PTPRD: variants seen among roughly 807,000 people sequenced by gnomAD.
PTPRD encodes the protein receptor-type tyrosine-protein phosphatase delta.
PTPRD carries 34 observed loss-of-function variants against 214.5 expected under a neutral mutation model. The ratio of observed to expected loss-of-function variants is 0.16; its 90% CI spans 0.12 to 0.21. The LOEUF is 0.21. Among genes scored for constraint, PTPRD ranks in the 10% least tolerant of loss-of-function variants. The probability of loss-of-function intolerance (pLI) is 1.00; values close to 1 mark genes in which losing one functional copy is unlikely to be tolerated. For missense variants in PTPRD, 2,545 were observed against 2,398.7 expected, an observed-to-expected ratio of 1.06 and a Z score of -1.27; for synonymous variants, 1,128 against 845.7, an observed-to-expected ratio of 1.33 and a Z score of -5.79.
intron 2 of PTPRD, among the ~76,000 whole-genome samples, chr9:10,560,040 C>A (rs1021568006): frequency 1.1e-4 from 17 of 152,082 alleles, no homozygotes; most frequent in African/African-American, 4.1e-4. Context: ...ACCATTTGAC[C>A]CAGCCATCCA....
chr9:9,460,262 T>G (rs2093518959), intron 8 of PTPRD, among the ~76,000 whole-genome samples: 1 of 151,980 alleles, frequency 6.6e-6, no homozygotes, highest in Non-Finnish European at 1.5e-5. Flanking sequence ...TAGGAAAAAC[T>G]CTTCTGGACA....
intron 3 of PTPRD, among the ~76,000 whole-genome samples, chr9:10,036,375 C>A (rs2097181181): frequency 6.6e-6 from 1 of 151,882 alleles, no homozygotes; most frequent in Admixed American, 6.6e-5. Context: ...ATTCTAAAGC[C>A]CTTTTGCTTA....
intron 11 of PTPRD, among the ~76,000 whole-genome samples, chr9:8,974,781 A>G (rs2099258736): frequency 6.6e-6 from 1 of 152,064 alleles, no homozygotes; most frequent in African/African-American, 2.4e-5. Context: ...ACTAATATAC[A>G]TTAACATACC....
At chr9:8,473,803 T>G (rs1472837735) in intron 30 of PTPRD, among the ~76,000 whole-genome samples, 1 of 152,132 alleles carries the variant, frequency 6.6e-6, no homozygotes, top group Non-Finnish European at 1.5e-5. Flanking sequence ...CGGCAAGATA[T>G]CCACAACCTT....
chr9:9,373,285 G>A (rs1250243565), intron 9 of PTPRD, among the ~76,000 whole-genome samples: 1 of 152,036 alleles, frequency 6.6e-6, no homozygotes. Context: ...AATTTGGTGA[G>A]AGAAATAAGT....
At chr9:9,524,006 G>A (rs2097058990) in intron 8 of PTPRD, among the ~76,000 whole-genome samples, 1 of 152,140 alleles carries the variant, frequency 6.6e-6, no homozygotes, top group Non-Finnish European at 1.5e-5. Context: ...AATCATTCAT[G>A]GATGGACAAA....
intron 9 of PTPRD, among the ~76,000 whole-genome samples, chr9:9,283,909 T>A (rs1405624642): frequency 6.6e-6 from 1 of 151,664 alleles, no homozygotes; most frequent in African/African-American, 2.4e-5. Flanking sequence ...GAAATAATTA[T>A]AATTTCGTTC....
chr9:8,399,582 A>T (rs2129924056), intron 36 of PTPRD, among the ~76,000 whole-genome samples: 1 of 152,296 alleles, frequency 6.6e-6, no homozygotes, highest in East Asian at 1.9e-4. Context: ...CACACCTGAA[A>T]ATCATTTCTG....
intron 11 of PTPRD, among the ~76,000 whole-genome samples, chr9:8,939,259 C>T (rs567443914): frequency 1.3e-5 from 2 of 152,146 alleles, no homozygotes; most frequent in South Asian, 2.1e-4. Flanking sequence ...ATTTGAACAG[C>T]TCATTTAAAT....
intron 12 of PTPRD, among the ~76,000 whole-genome samples, chr9:8,654,910 TTC>T (rs1248081045): frequency 6.6e-6 from 1 of 152,162 alleles, no homozygotes; most frequent in East Asian, 1.9e-4. Flanking sequence ...AGCTCTTTTT[TTC>T]TGTTAGACTT....
intron 9 of PTPRD, among the ~76,000 whole-genome samples, chr9:9,294,777 G>A (rs1425568268): frequency 6.6e-6 from 1 of 151,566 alleles, no homozygotes; most frequent in Non-Finnish European, 1.5e-5. Flanking sequence ...CACCCAATCT[G>A]GGTATTTTGT....
intron 10 of PTPRD, among the ~76,000 whole-genome samples, chr9:9,092,345 G>C (rs10977479): frequency 0.096 from 14,593 of 151,958 alleles, 837 homozygotes; most frequent in East Asian, 0.16. Flanking sequence ...AAGGTATGCT[G>C]TTTTCATTTC....
chr9:10,223,783 G>A (rs1040477497), intron 3 of PTPRD, among the ~76,000 whole-genome samples: 6 of 150,416 alleles, frequency 4.0e-5, no homozygotes, highest in Non-Finnish European at 1.5e-5. Context: ...AGAAGCAAAA[G>A]AAAATTGTAA....
intron 11 of PTPRD, among the ~76,000 whole-genome samples, chr9:8,917,477 C>A: frequency 6.6e-6 from 1 of 151,882 alleles, no homozygotes; most frequent in East Asian, 1.9e-4. Context: ...TGCTCTGGGG[C>A]AAGGAAGCAC....
At chr9:9,007,042 C>T (rs1352043557) in intron 11 of PTPRD, among the ~76,000 whole-genome samples, 2 of 151,738 alleles carry the variant, frequency 1.3e-5, no homozygotes. Flanking sequence ...GTAAGTTCAG[C>T]TTATCTTAAC....
intron 13 of PTPRD, among the ~76,000 whole-genome samples, chr9:8,634,743 G>T (rs916154306): frequency 1.3e-5 from 2 of 151,836 alleles, no homozygotes; most frequent in African/African-American, 2.4e-5. Flanking sequence ...GATTTAGGTA[G>T]GAAAAGGTTA....
At chr9:10,446,641 G>C (rs954433155) in intron 2 of PTPRD, among the ~76,000 whole-genome samples, 3 of 151,984 alleles carry the variant, frequency 2.0e-5, no homozygotes, top group African/African-American at 7.2e-5. Context: ...AAGTGAAGTT[G>C]TTTAGATATT....
intron 7 of PTPRD, among the ~76,000 whole-genome samples, chr9:9,613,393 T>C (rs1191735364): frequency 6.6e-6 from 1 of 152,010 alleles, no homozygotes; most frequent in African/African-American, 2.4e-5. Flanking sequence ...CTAATGATAA[T>C]TGCCTTCACG....
intron 10 of PTPRD, among the ~76,000 whole-genome samples, chr9:9,098,005 G>C (rs1353114023): frequency 6.6e-6 from 1 of 151,490 alleles, no homozygotes; most frequent in Non-Finnish European, 1.5e-5. Context: ...AGTGGTCAAG[G>C]GATTTTGTTT....
Sources: gnomAD v4.1 joint callset for allele counts (sites outside exome capture counted in the v4.1 genomes callset) on GRCh38, gnomAD v4.1.1 for gene constraint, MANE v1.5 for transcripts, NCBI Gene and HGNC (gene_info 2026-07-23, HGNC 2026-07-21) for gene names.